CNBD1: variants seen among roughly 807,000 people sequenced by gnomAD.
The protein encoded by CNBD1 is cyclic nucleotide binding domain containing 1.
A neutral mutation model predicts 54.4 loss-of-function variants in CNBD1; 71 were observed. The ratio of observed to expected loss-of-function variants is 1.30; its 90% CI spans 1.08 to 1.59. CNBD1 has a LOEUF of 1.59. Ranked by LOEUF, CNBD1 falls within the 40% of genes most tolerant of loss-of-function variation. CNBD1 has a pLI of 0.00. For synonymous variants in CNBD1, 182 were observed against 170.7 expected (o/e 1.07, Z -0.51); for missense variants, 659 against 518.0 (o/e 1.27, Z -2.64).
At chr8:86,961,518 G>A (rs530627213) in intron 4 of CNBD1, among the ~76,000 whole-genome samples, 1 of 152,376 alleles carries the variant, frequency 6.6e-6, no homozygotes, top group African/African-American at 2.4e-5. Context: ...AACTGTGAGA[G>A]AAAATTCTAA....
rs189681556 is a variant in CNBD1 at position 86,967,521 on chromosome 8, C to T, written c.431+27767C>T. ...TGAGCCTCCCTTCTGCAGCCAGTGT[C>T]ATGTCTTCTGCCATCAATGTCTTCT... On this transcript the variant is annotated intron_variant, in intron 4 of 10. Coordinates refer to ENST00000518476, the MANE Select transcript of CNBD1 (RefSeq NM_173538.3). 3.0e-3 allele frequency among the ~76,000 whole-genome samples: 457 copies of T among 152,360 alleles called. 3 individuals are homozygous for T. Among genetic ancestry groups the T allele is most frequent in the African/African-American group, 0.01 (418 of 41,586 alleles).
chr8:87,225,018 G>A (rs1409045220), intron 5 of CNBD1, among the ~76,000 whole-genome samples: 1 of 151,938 alleles, frequency 6.6e-6, no homozygotes, highest in Non-Finnish European at 1.5e-5. Flanking sequence ...GTGAATGGGA[G>A]TTCACTCGTG....
At chr8:86,931,385 C>T (rs182652503) in intron 3 of CNBD1, among the ~76,000 whole-genome samples, 3 of 152,280 alleles carry the variant, frequency 2.0e-5, no homozygotes, top group African/African-American at 4.8e-5. Context: ...GCTTCTGGCC[C>T]AGAGAACCTT....
At chr8:86,890,857 A>G (rs535505242) in intron 2 of CNBD1, among the ~76,000 whole-genome samples, 1 of 146,456 alleles carries the variant, frequency 6.8e-6, no homozygotes, top group African/African-American at 2.5e-5. Flanking sequence ...AGCATTTGTT[A>G]TTTTTTTTTT....
chr8:87,332,296 T>G (rs1487905476), intron 8 of CNBD1, among the ~76,000 whole-genome samples: 1 of 150,028 alleles, frequency 6.7e-6, no homozygotes, highest in Non-Finnish European at 1.5e-5. Context: ...TGCAGTGAGC[T>G]GAAATTGTGC....
At chr8:86,887,824 A>G (rs746149024) in intron 2 of CNBD1, among the ~76,000 whole-genome samples, 2 of 152,160 alleles carry the variant, frequency 1.3e-5, no homozygotes, top group Non-Finnish European at 2.9e-5. Flanking sequence ...AGTGTGAAAC[A>G]AACATAACTC....
At chr8:86,897,044 G>A (rs1808857301) in intron 2 of CNBD1, among the ~76,000 whole-genome samples, 1 of 152,150 alleles carries the variant, frequency 6.6e-6, no homozygotes, top group Non-Finnish European at 1.5e-5. Context: ...GAAAAGATCT[G>A]CTCTCATATG....
At chr8:87,373,684 A>T (rs987595351) in intron 10 of CNBD1, among the ~76,000 whole-genome samples, 1 of 151,858 alleles carries the variant, frequency 6.6e-6, no homozygotes, top group South Asian at 2.1e-4. Context: ...GGAATTGCCA[A>T]TTCAGGCCAA....
chr8:87,322,177 C>A (rs186300455), intron 8 of CNBD1, among the ~76,000 whole-genome samples: 1,976 of 121,436 alleles, frequency 0.016, 389 homozygotes, highest in African/African-American at 0.055. Context: ...TGTAAATGTG[C>A]CACATTTTCT....
In CNBD1 at chr8:86,896,197, C is replaced by G. The variant is rs768394309; in HGVS notation, c.158+8586C>G. Reference sequence around the variant, plus strand: ...AAAGGAAAACAACGTTGGAGGCATTCTATTTCTAATTTTAATTATTTTTTA... The same window carrying G: ...AAAGGAAAACAACGTTGGAGGCATTGTATTTCTAATTTTAATTATTTTTTA... On this transcript the variant is annotated intron_variant, in intron 2 of 10. Transcript: ENST00000518476. 3.3e-5 allele frequency among the ~76,000 whole-genome samples: 5 copies of G among 152,068 alleles called. No individual in the cohort carries two copies. The South Asian group carries it at 1.0e-3, about 32-fold the overall frequency.
At chr8:86,981,589 C>T (rs1316192344) in intron 4 of CNBD1, among the ~76,000 whole-genome samples, 2 of 152,184 alleles carry the variant, frequency 1.3e-5, no homozygotes, top group Non-Finnish European at 2.9e-5. Flanking sequence ...GTACATCTTC[C>T]TGAAACCTTG....
intron 2 of CNBD1, among the ~76,000 whole-genome samples, chr8:86,902,509 T>C (rs1466511703): frequency 1.3e-5 from 2 of 152,136 alleles, no homozygotes; most frequent in Admixed American, 6.6e-5. Flanking sequence ...TCCCACCTTA[T>C]GACACTTGCT....
At chr8:87,069,498 G>A (rs1428866148) in intron 4 of CNBD1, among the ~76,000 whole-genome samples, 1 of 152,028 alleles carries the variant, frequency 6.6e-6, no homozygotes, top group African/African-American at 2.4e-5. Flanking sequence ...CAGGTTTATA[G>A]TCCAGGAGCA....
At chr8:87,217,956 A>G (rs1814249293) in intron 5 of CNBD1, among the ~76,000 whole-genome samples, 1 of 152,142 alleles carries the variant, frequency 6.6e-6, no homozygotes, top group African/African-American at 2.4e-5. Flanking sequence ...AGCAAATTTT[A>G]AAAGCTTGAT....
intron 6 of CNBD1, among the ~76,000 whole-genome samples, chr8:87,277,938 A>G (rs1384636031): frequency 6.6e-6 from 1 of 151,722 alleles, no homozygotes; most frequent in African/African-American, 2.4e-5. Context: ...TTAGTTCACA[A>G]TAATAATAAT....
intron 4 of CNBD1, among the ~76,000 whole-genome samples, chr8:87,100,161 G>A (rs556054153): frequency 1.9e-4 from 29 of 152,240 alleles, no homozygotes; most frequent in Non-Finnish European, 3.2e-4. Flanking sequence ...CCATAGCATC[G>A]AGCAATTTGG....
chr8:86,990,321 T>C (rs1231921369), intron 4 of CNBD1, among the ~76,000 whole-genome samples: 1 of 152,214 alleles, frequency 6.6e-6, no homozygotes, highest in Admixed American at 6.5e-5. Flanking sequence ...AGTAGTTCCA[T>C]GGTTTATGTT....
rs904207384 is a variant in CNBD1 at position 87,244,243 on chromosome 8, C to A, written c.771+7131C>A. 2.0e-5 allele frequency among the ~76,000 whole-genome samples: 3 copies of A among 152,082 alleles called. No individual in the cohort carries two copies. In the South Asian group the frequency reaches 6.2e-4, roughly 31 times the overall value. Reference sequence around the variant, plus strand: ...CTGGTAGGTGAGGGACAAATGGCTGCATTTCTTTCGAGTTTCTGATAAACC... The same window carrying A: ...CTGGTAGGTGAGGGACAAATGGCTGAATTTCTTTCGAGTTTCTGATAAACC... On this transcript the variant is annotated intron_variant, in intron 6 of 10. Coordinates refer to ENST00000518476, the MANE Select transcript of CNBD1 (RefSeq NM_173538.3).
chr8:87,350,714 T>A (rs1172995849), intron 8 of CNBD1, among the ~76,000 whole-genome samples: 1 of 152,126 alleles, frequency 6.6e-6, no homozygotes, highest in Non-Finnish European at 1.5e-5. Context: ...TGTGTCTTTA[T>A]ATTTAGGTTA....
Sources: gnomAD v4.1 joint callset for allele counts (sites outside exome capture counted in the v4.1 genomes callset) on GRCh38, gnomAD v4.1.1 for gene constraint, MANE v1.5 for transcripts, NCBI Gene and HGNC (gene_info 2026-07-23, HGNC 2026-07-21) for gene names.